The following TASOR2 variants were observed in gnomAD, a reference collection of about 807,000 sequenced individuals.
TASOR2 encodes protein TASOR 2.
In TASOR2, 84 loss-of-function variants were observed where a neutral mutation model predicts 199.5. That is an observed-to-expected ratio of 0.42 (90% confidence interval 0.35 to 0.50). The LOEUF (loss-of-function observed/expected upper bound fraction) is 0.50. Ranked by LOEUF, TASOR2 falls within the 20% of genes least tolerant of loss-of-function variation. TASOR2 has a pLI of 0.02. For synonymous variants in TASOR2, 1,103 were observed against 1,046.6 expected (o/e 1.05, Z -1.04); for missense variants, 2,796 against 2,835.9 (o/e 0.99, Z 0.32).
At position 5,746,553 on chromosome 10, in the gene TASOR2, T is replaced by G. The variant is rs761102225; in HGVS notation, c.3132T>G (p.Cys1044Trp). The change falls in exon 15 of 21, where the codon TGT becomes TGG. Residue 1044 changes from cysteine (C) to tryptophan (W), a missense_variant. Physicochemically the swap from Cys to Trp is radical, Grantham distance 215 (BLOSUM62 -2). Around this residue, in one of 3 missense-constraint regions of TASOR2, gnomAD observed 1,941 missense variants for 1,924.9 expected, o/e 1.01. Transcript: ENST00000328090. ...AAAGAAAGGATGATAATATGGGGTGTGCAGTGATTAACCCGGAACCAATTA... is the reference window on the plus strand; with the variant it reads ...AAAGAAAGGATGATAATATGGGGTGGGCAGTGATTAACCCGGAACCAATTA... 1.9e-6 allele frequency: 3 copies of G among 1,614,128 alleles called. No homozygotes were observed. In the South Asian group the frequency reaches 3.3e-5, roughly 18 times the overall value.
At chr10:5,746,984 A>G (rs1354051726) in exon 15 of TASOR2, 2 of 1,614,066 alleles carry the variant, frequency 1.2e-6, no homozygotes, top group African/African-American at 1.3e-5. Flanking sequence ...TCACAGACTC[A>G]GAGTCTCCTC....
At chr10:5,709,712 AG>A (rs976144873) in intron 1 of TASOR2, 1 of 1,212,410 alleles carries the variant, frequency 8.2e-7, no homozygotes, top group Admixed American at 4.2e-5. Context: ...AATCCAGAAT[AG>A]AATGATTAAA....
chr10:5,756,796 T>G, intron 16 of TASOR2, 58 bp downstream of exon 17: 1 of 1,554,436 alleles, frequency 6.4e-7, no homozygotes, highest in Middle Eastern at 1.7e-4. Flanking sequence ...TGTTCTGTAA[T>G]GCTCAGACTC....
Position 5,752,651 on chromosome 10 carries a change from A to C in TASOR2, c.6606+2624A>C, listed in dbSNP as rs1838240297. 6.6e-6 allele frequency among the ~76,000 whole-genome samples: 1 copy of C among 152,240 alleles called. No homozygotes were observed. Among genetic ancestry groups the C allele is most frequent in the Non-Finnish European group, 1.5e-5 (1 of 68,020 alleles). On this transcript the variant is annotated intron_variant, in intron 15 of 20. Transcript: ENST00000328090. The surrounding 1 kb of genome is among the most constrained non-coding windows in gnomAD (Gnocchi z 4.4). ...CACAGTGTCCCCTGGGTGCAGGGTC[A>C]CAAGACCACTTCTCATCTGGAGTAC...
rs1837939457 is a variant in TASOR2 at position 5,702,101 on chromosome 10, A to C, written c.-287-10722A>C. ...ATGATGTTTGCTATTGGTTTGTCAT[A>C]TATGGCCTTTATTACTTGAGATACG... On this transcript the variant is annotated intron_variant, in intron 1 of 20. Coordinates refer to ENST00000328090, the Ensembl canonical transcript of TASOR2. 2.6e-5 allele frequency among the ~76,000 whole-genome samples: 4 copies of C among 152,166 alleles called. 1 individual carries two copies. In the South Asian group the frequency reaches 8.3e-4, roughly 32 times the overall value.
rs1157272621 is a variant in TASOR2, at chr10:5,722,308, T to A, written c.146+1338T>A. Among the ~76,000 whole-genome samples, 1 of 151,960 alleles carries A rather than the reference T, an allele frequency of 6.6e-6. No individual in the cohort carries two copies. Among genetic ancestry groups the A allele is most frequent in the Non-Finnish European group, 1.5e-5 (1 of 67,982 alleles). On this transcript the variant is annotated intron_variant, in intron 6 of 20. Transcript: ENST00000328090. This position sits in a 1 kb window ranked among gnomAD's most constrained non-coding sequence, Gnocchi z 4.0. Reference sequence around the variant, plus strand: ...TCTCCCTAATAAAAATACAAAAAATTAGCCGGGCGTGGTGGCACGTGCCTG... The same window carrying A: ...TCTCCCTAATAAAAATACAAAAAATAAGCCGGGCGTGGTGGCACGTGCCTG...
At position 5,720,444 on chromosome 10, in the gene TASOR2, C is replaced by T; in HGVS notation, c.-99-100C>T. 1 of 1,422,160 alleles carries T rather than the reference C, an allele frequency of 7.0e-7. No individual in the cohort carries two copies. The highest frequency in any genetic ancestry group is 9.1e-7 in the Non-Finnish European group (1 of 1,094,168). The allele number at this position is 1,422,160 out of a possible 1,614,324, so 88.1% of individuals were successfully genotyped here. Reference sequence around the variant, plus strand: ...TAACACCCAAGATATATTTCTGACTCTAATGTGTTAAATTTCAGGGCTCGG... The same window carrying T: ...TAACACCCAAGATATATTTCTGACTTTAATGTGTTAAATTTCAGGGCTCGG... On this transcript the variant is annotated intron_variant, in intron 3 of 20. Coordinates refer to ENST00000328090, the Ensembl canonical transcript of TASOR2. This position sits in a 1 kb window ranked among gnomAD's most constrained non-coding sequence, Gnocchi z 5.3.
chr10:5,693,802 C>T (rs941020035), intron 1 of TASOR2, among the ~76,000 whole-genome samples: 3 of 152,100 alleles, frequency 2.0e-5, no homozygotes, highest in African/African-American at 7.2e-5. Context: ...TGTACTTGTC[C>T]CATCCAAAGA....
At chr10:5,688,399 T>C in intron 1 of TASOR2, among the ~76,000 whole-genome samples, 1 of 70,844 alleles carries the variant, frequency 1.4e-5, no homozygotes, top group East Asian at 4.5e-4. Flanking sequence ...TTTTTAATTT[T>C]TTTTTTTTTT....
chr10:5,740,574 T>C lies in TASOR2; in HGVS notation c.2327+77T>C. 3 of 1,436,264 alleles carry C rather than the reference T, an allele frequency of 2.1e-6. No homozygotes were observed. Among genetic ancestry groups the C allele is most frequent in the Non-Finnish European group, 2.8e-6 (3 of 1,061,178 alleles). The allele number at this position is 1,436,264 out of a possible 1,614,324, so 89.0% of individuals were successfully genotyped here. ...GAATGTAGTGAGATGGGGAAACTTATGCCAAACTCTGGAGAAGGAGAAAGA... is the reference window on the plus strand; with the variant it reads ...GAATGTAGTGAGATGGGGAAACTTACGCCAAACTCTGGAGAAGGAGAAAGA... On this transcript the variant is annotated intron_variant, in intron 13 of 20. Coordinates refer to ENST00000328090, the Ensembl canonical transcript of TASOR2. This position sits in a 1 kb window ranked among gnomAD's most constrained non-coding sequence, Gnocchi z 5.3.
chr10:5,719,151 ATCT>A lies in TASOR2; in HGVS notation c.-99-1388_-99-1386del, dbSNP rs138637358. On this transcript the variant is annotated intron_variant, in intron 3 of 20. Coordinates refer to ENST00000328090, the Ensembl canonical transcript of TASOR2. This position sits in a 1 kb window ranked among gnomAD's most constrained non-coding sequence, Gnocchi z 4.1. ...GGCAGGACTTAAACAACAACAAAAC[ATCT>A]TCTTTTTTAAAAAGTAACTATATTC... Among the ~76,000 whole-genome samples the A allele has an allele frequency of 8.0e-4, 121 of 152,148 alleles. 3 individuals carry two copies. The East Asian group carries it at 0.021, about 27-fold the overall frequency.
chr10:5,721,374 A>T (rs1001478000), intron 6 of TASOR2, among the ~76,000 whole-genome samples: 1 of 152,226 alleles, frequency 6.6e-6, no homozygotes, highest in Non-Finnish European at 1.5e-5. Flanking sequence ...TATTTACATT[A>T]AAAGCAATTA....
Position 5,701,915 on chromosome 10 carries a change from T to TGA in TASOR2, c.-287-10907_-287-10906dup, listed in dbSNP as rs1355212225. Among the ~76,000 whole-genome samples the TGA allele has an allele frequency of 2.4e-5, 2 of 84,046 alleles. No homozygotes were observed. Among genetic ancestry groups the TGA allele is most frequent in the Non-Finnish European group, 4.8e-5 (2 of 41,664 alleles). The allele number at this position is 84,046 out of a possible 152,430, so 55.1% of individuals were successfully genotyped here. A position where few individuals can be genotyped will look rare whatever the true frequency, so the allele number is the denominator to read the frequency against. The stretch of plus-strand genomic sequence containing the variant: ...CACGTTATCTGTGAACAGGCTTATT[T>TGA]GACTTCTTCTTTTCTGATTTGGATG... On this transcript the variant is annotated intron_variant, in intron 1 of 20. Coordinates refer to ENST00000328090, the Ensembl canonical transcript of TASOR2. This position sits in a 1 kb window ranked among gnomAD's most constrained non-coding sequence, Gnocchi z 4.9.
chr10:5,747,800 A>G lies in TASOR2; in HGVS notation c.4379A>G (p.His1460Arg), dbSNP rs188788967. The change falls in exon 15 of 21, where the codon CAT becomes CGT. Residue 1460 changes from histidine to arginine, a missense_variant. This residue lies in a region of TASOR2 where 1,941 missense variants were observed against 1,924.9 expected (regional missense o/e 1.01). Transcript: ENST00000328090. ...GAAAATGTTTTTGTTGGTCCTACCCATCCAGTGGGGCAAGATAACTTTACC... is the reference window on the plus strand; with the variant it reads ...GAAAATGTTTTTGTTGGTCCTACCCGTCCAGTGGGGCAAGATAACTTTACC... 6.8e-6 allele frequency: 11 copies of G among 1,613,914 alleles called. No homozygotes were observed. In the Admixed American group the frequency reaches 1.2e-4, roughly 17 times the overall value.
intron 10 of TASOR2, among the ~76,000 whole-genome samples, chr10:5,728,480 C>CA (rs1360042947): frequency 1.3e-5 from 2 of 151,734 alleles, no homozygotes; most frequent in African/African-American, 4.8e-5. Flanking sequence ...TACTAAAATA[C>CA]AAAAAATTAG....
chr10:5,702,795 G>A (rs72774062), intron 1 of TASOR2, among the ~76,000 whole-genome samples: 4,282 of 152,064 alleles, frequency 0.028, 112 homozygotes, highest in African/African-American at 0.074. Flanking sequence ...TTAAAGAAAG[G>A]ACTTAAATCT....
At chr10:5,728,443 C>G (rs1046857573) in intron 10 of TASOR2, among the ~76,000 whole-genome samples, 3 of 151,976 alleles carry the variant, frequency 2.0e-5, no homozygotes, top group African/African-American at 7.3e-5. Context: ...CAAGACCATC[C>G]TGGCCAACAT....
In TASOR2 at chr10:5,741,985, TA is replaced by T. The variant is rs1836495933; in HGVS notation, c.2328-107del. ...ATTCATGTTTCATATCTGTAAATTT[TA>T]AAAATAAAAACAAAAACTAAGGAAT... is the stretch of plus-strand genomic sequence containing the variant. On this transcript the variant is annotated intron_variant, in intron 13 of 20. Transcript: ENST00000328090. The T allele has an allele frequency of 1.8e-5, 18 of 993,054 alleles. No individual in the cohort carries two copies. The South Asian group carries it at 2.6e-4, about 14-fold the overall frequency. 61.5% of individuals were successfully genotyped at this position (993,054 alleles called of 1,614,324 possible). A position where few individuals can be genotyped will look rare whatever the true frequency, so the allele number is the denominator to read the frequency against.
chr10:5,724,695 ATTAG>A (rs953056514), intron 8 of TASOR2, among the ~76,000 whole-genome samples, 162 bp downstream of exon 9: 20 of 149,202 alleles, frequency 1.3e-4, no homozygotes, highest in East Asian at 5.8e-4. Context: ...ATAGATATAT[ATTAG>A]TTGTGCTGAA....
Sources: allele counts gnomAD v4.1 joint callset (sites outside exome capture counted in the v4.1 genomes callset), GRCh38; gene constraint gnomAD v4.1.1; regional missense constraint gnomAD v4.1.1; non-coding constraint Gnocchi (gnomAD v3.1); transcripts MANE v1.5; gene names NCBI Gene and HGNC (gene_info 2026-07-23, HGNC 2026-07-21).